The following RAD23B variants were observed in gnomAD, a reference collection of about 807,000 sequenced individuals.
RAD23B encodes lysine-specific demethylase RAD23B.
In RAD23B, 5 loss-of-function variants were observed where a neutral mutation model predicts 49.1. The observed-to-expected ratio is 0.10, with a 90% CI of 0.05 to 0.21. The LOEUF (loss-of-function observed/expected upper bound fraction) is 0.21. RAD23B is among the 10% of genes least tolerant of loss of function. The pLI is 1.00. For synonymous variants in RAD23B, 184 were observed against 165.4 expected, an observed-to-expected ratio of 1.11 and a Z score of -0.86; for missense variants, 356 against 486.7, an observed-to-expected ratio of 0.73 and a Z score of 2.53.
At chr9:107,284,021 C>G (rs1049569565) in intron 1 of RAD23B, 3 of 1,062,998 alleles carry the variant, frequency 2.8e-6, no homozygotes, top group Non-Finnish European at 3.4e-6. Context: ...CCGTCTCAGC[C>G]GTAGAGCCTG....
chr9:107,295,468 A>G (rs1402936389), intron 1 of RAD23B, among the ~76,000 whole-genome samples: 1 of 152,140 alleles, frequency 6.6e-6, no homozygotes, highest in African/African-American at 2.4e-5. Context: ...TACTTTTTTC[A>G]TTTAATAGGT....
intron 1 of RAD23B, chr9:107,284,156 A>G (rs1587843001): frequency 1.0e-6 from 1 of 987,832 alleles, no homozygotes; most frequent in Non-Finnish European, 1.2e-6. Flanking sequence ...TTAAGAAAAA[A>G]AAAAGTATCA....
intron 3 of RAD23B, among the ~76,000 whole-genome samples, chr9:107,302,353 AAAAAT>A (rs1476386708): frequency 6.6e-6 from 1 of 152,134 alleles, no homozygotes; most frequent in Non-Finnish European, 1.5e-5. Flanking sequence ...AAAACAATTG[AAAAAT>A]AAAATGTCAT....
intron 1 of RAD23B, among the ~76,000 whole-genome samples, chr9:107,286,369 A>G (rs61612420): frequency 4.4e-4 from 67 of 152,328 alleles, no homozygotes; most frequent in African/African-American, 1.6e-3. Context: ...CTCATTGGCT[A>G]TAGAGTAGGG....
Position 107,329,818 on chromosome 9 carries a change from T to C in RAD23B, c.*162T>C. 2.1e-6 allele frequency: 1 copy of C among 485,428 alleles called. No individual in the cohort carries two copies. Among genetic ancestry groups the C allele is most frequent in the Non-Finnish European group, 3.7e-6 (1 of 271,602 alleles). 30.1% of individuals were successfully genotyped at this position (485,428 alleles called of 1,614,324 possible). On this transcript the variant is annotated 3_prime_UTR_variant, in exon 10 of 10. Coordinates refer to ENST00000358015, the MANE Select transcript of RAD23B (RefSeq NM_002874.5). ...ATCTAGGATACAGGGCAGGGATAAA[T>C]ACAGTGCATGTCTGCTTCAATTAGC...
Position 107,318,910 on chromosome 9 carries a change from T to C in RAD23B, c.681+31T>C, listed in dbSNP as rs1827050579. The C allele has an allele frequency of 6.3e-7, 1 of 1,580,352 alleles. No homozygotes were observed. Among genetic ancestry groups the C allele is most frequent in the Non-Finnish European group, 8.6e-7 (1 of 1,157,490 alleles). On this transcript the variant is annotated intron_variant, in intron 6 of 9. Coordinates refer to ENST00000358015, the MANE Select transcript of RAD23B (RefSeq NM_002874.5). This position sits in a 1 kb window ranked among gnomAD's most constrained non-coding sequence, Gnocchi z 4.3. ...AAATATGTTTTACTTTACTCCATTC[T>C]GTTGTTTAAGATTAAAATCTCAAAG...
In RAD23B at chr9:107,327,764, G is replaced by GT. The variant is rs200417219; in HGVS notation, c.1117-1778dup. Among the ~76,000 whole-genome samples the GT allele has an allele frequency of 6.8e-3, 1,041 of 152,262 alleles. 13 individuals are homozygous for GT. Among genetic ancestry groups the GT allele is most frequent in the Non-Finnish European group, 0.01 (699 of 68,004 alleles). On this transcript the variant is annotated intron_variant, in intron 9 of 9. Transcript: ENST00000358015. ...TATAAATATCTGATAGATCTAGTTT[G>GT]TAGTCAAGTCTTCTTCCTTAGCTGT...
intron 1 of RAD23B, among the ~76,000 whole-genome samples, chr9:107,298,307 GTTTTA>G (rs1171511521): frequency 1.3e-5 from 2 of 151,666 alleles, no homozygotes; most frequent in African/African-American, 4.8e-5. Flanking sequence ...ATATGCTTAC[GTTTTA>G]TTTTATTTAT....
In RAD23B at chr9:107,284,086, C is replaced by T. The variant is rs950453489; in HGVS notation, c.66+391C>T. The T allele has an allele frequency of 1.9e-5, 19 of 1,007,850 alleles. No homozygotes were observed. In the Admixed American group the frequency reaches 2.4e-4, roughly 13 times the overall value. 62.4% of individuals were successfully genotyped at this position (1,007,850 alleles called of 1,614,324 possible). A position where few individuals can be genotyped will look rare whatever the true frequency, so the allele number is the denominator to read the frequency against. Reference sequence around the variant, plus strand: ...AGGGAGACGTAGGCGTCGCCACTACCCCTGTGTGGACCTGGTTAGCCGCTT... The same window carrying T: ...AGGGAGACGTAGGCGTCGCCACTACTCCTGTGTGGACCTGGTTAGCCGCTT... On this transcript the variant is annotated intron_variant, in intron 1 of 9. Coordinates refer to ENST00000358015, the MANE Select transcript of RAD23B (RefSeq NM_002874.5).
At chr9:107,320,554 T>C (rs1418263124) in intron 6 of RAD23B, among the ~76,000 whole-genome samples, 1 of 151,092 alleles carries the variant, frequency 6.6e-6, no homozygotes, top group African/African-American at 2.4e-5. Context: ...ATATATTTGC[T>C]CTTTGTTTCA....
At chr9:107,288,313 G>C (rs1390544286) in intron 1 of RAD23B, among the ~76,000 whole-genome samples, 1 of 152,140 alleles carries the variant, frequency 6.6e-6, no homozygotes, top group Non-Finnish European at 1.5e-5. Flanking sequence ...TGCTGTGATG[G>C]TATGTGCATT....
intron 1 of RAD23B, among the ~76,000 whole-genome samples, chr9:107,290,297 C>T (rs1489136919): frequency 6.6e-6 from 1 of 152,200 alleles, no homozygotes; most frequent in Non-Finnish European, 1.5e-5. Flanking sequence ...CATCCCCTGT[C>T]ATGTGTGAAG....
chr9:107,309,237 T>C (rs183097135), intron 4 of RAD23B, among the ~76,000 whole-genome samples: 1 of 152,290 alleles, frequency 6.6e-6, no homozygotes, highest in East Asian at 1.9e-4. Context: ...ATCCCAGAAA[T>C]CAACAAGCCC....
intron 1 of RAD23B, chr9:107,284,239 C>CT: frequency 1.0e-6 from 1 of 984,472 alleles, no homozygotes; most frequent in South Asian, 4.7e-5. Flanking sequence ...ATTGTTTACC[C>CT]TTTTATTTGC....
At chr9:107,326,498 A>T (rs1049062285) in intron 9 of RAD23B, among the ~76,000 whole-genome samples, 1 of 150,600 alleles carries the variant, frequency 6.6e-6, no homozygotes, top group African/African-American at 2.4e-5. Context: ...AAAAAAAAAA[A>T]GAATTGGTGT....
At chr9:107,325,855 T>G (rs1183061164) in intron 9 of RAD23B, among the ~76,000 whole-genome samples, 2 of 152,232 alleles carry the variant, frequency 1.3e-5, no homozygotes, top group Non-Finnish European at 1.5e-5. Flanking sequence ...CATCACTAAG[T>G]ATGATATTAT....
At chr9:107,314,136 G>A (rs570772486) in intron 5 of RAD23B, among the ~76,000 whole-genome samples, 1 of 152,278 alleles carries the variant, frequency 6.6e-6, no homozygotes, top group South Asian at 2.1e-4. Flanking sequence ...CTCTCATGGG[G>A]TCTTTGTTAA....
At chr9:107,327,539 G>A (rs73517771) in intron 9 of RAD23B, among the ~76,000 whole-genome samples, 3,374 of 152,118 alleles carry the variant, frequency 0.022, 120 homozygotes, top group African/African-American at 0.074. Context: ...TCGTTATTTA[G>A]GATTGTGTTA....
intron 3 of RAD23B, among the ~76,000 whole-genome samples, chr9:107,304,047 A>G (rs1826711541): frequency 6.6e-6 from 1 of 152,186 alleles, no homozygotes; most frequent in African/African-American, 2.4e-5. Flanking sequence ...ATAGAGGACA[A>G]CTATGAAAAG....
Sources: gnomAD v4.1 joint callset for allele counts (sites outside exome capture counted in the v4.1 genomes callset) on GRCh38, gnomAD v4.1.1 for gene constraint, Gnocchi (gnomAD v3.1) non-coding constraint, MANE v1.5 for transcripts, NCBI Gene and HGNC (gene_info 2026-07-23, HGNC 2026-07-21) for gene names.